Variants in SEMA3G observed in about 807,000 individuals in gnomAD.
SEMA3G encodes the protein semaphorin-3G.
A neutral mutation model predicts 86.2 loss-of-function variants in SEMA3G; 70 were observed. The ratio of observed to expected loss-of-function variants is 0.81; its 90% CI spans 0.67 to 0.99. SEMA3G has a LOEUF of 0.99. Among genes scored for constraint, SEMA3G ranks in the 50% least tolerant of loss-of-function variants. SEMA3G has a pLI of 0.00. For missense variants in SEMA3G, 1,002 were observed against 1,072.4 expected, an observed-to-expected ratio of 0.93 and a Z score of 0.92; for synonymous variants, 416 against 441.4, an observed-to-expected ratio of 0.94 and a Z score of 0.72.
intron 5 of SEMA3G, 44 bp from the exon 6 acceptor site, chr3:52,441,734 G>C (rs770770622): frequency 1.9e-6 from 3 of 1,592,906 alleles, no homozygotes; most frequent in Middle Eastern, 1.7e-4. Flanking sequence ...GGAGGCCCAG[G>C]CCCAGCAGCC....
chr3:52,436,236 C>T (rs1706048536), intron 15 of SEMA3G, among the ~76,000 whole-genome samples, 163 bp from the exon 16 acceptor site: 1 of 152,242 alleles, frequency 6.6e-6, no homozygotes, highest in Admixed American at 6.5e-5. Context: ...GTCTGGGCCT[C>T]CTCTAGACCA....
In SEMA3G at chr3:52,442,388, C is replaced by T. The variant is rs1303955305; in HGVS notation, c.340-84G>A. 8.6e-6 allele frequency: 12 copies of T among 1,387,568 alleles called. No individual in the cohort carries two copies. Among genetic ancestry groups the T allele is most frequent in the African/African-American group, 4.6e-5 (3 of 65,254 alleles). 86.0% of individuals were successfully genotyped at this position (1,387,568 alleles called of 1,614,324 possible). Reference sequence around the variant, plus strand: ...GGGCCCAAGGCTCAGCCCTGTCTGGCGGTCAGCTCTGGGGAGGGGGGTGGG... The same window carrying T: ...GGGCCCAAGGCTCAGCCCTGTCTGGTGGTCAGCTCTGGGGAGGGGGGTGGG... On this transcript the variant is annotated intron_variant, in intron 3 of 15. Coordinates refer to ENST00000231721, the MANE Select transcript of SEMA3G (RefSeq NM_020163.3). This position sits in a 1 kb window ranked among gnomAD's most constrained non-coding sequence, Gnocchi z 6.1.
Position 52,437,629 on chromosome 3 carries a change from G to T in SEMA3G, c.1776C>A (p.Tyr592Ter). 6.2e-7 allele frequency: 1 copy of T among 1,612,728 alleles called. No homozygotes were observed. The highest frequency in any genetic ancestry group is 8.5e-7 in the Non-Finnish European group (1 of 1,179,726). ...GGAAGGTGCTATTGTGCTCCGTGCC[G>T]TAGACCATGGTGGCTGCCACAAGTC... ...AVGLVAATMV[Y>*]GTEHNSTFLE... The change falls in exon 15 of 16, where the codon TAC (tyrosine) becomes TAA (stop). Residue 592 changes from tyrosine (Y) to a stop codon, truncating the protein, a stop_gained. Coordinates refer to ENST00000231721, the MANE Select transcript of SEMA3G (RefSeq NM_020163.3). LOFTEE classifies it high-confidence loss of function.
At chr3:52,443,340 C>G (rs1169604637) in intron 1 of SEMA3G, among the ~76,000 whole-genome samples, 1 of 152,202 alleles carries the variant, frequency 6.6e-6, no homozygotes, top group African/African-American at 2.4e-5. Flanking sequence ...CTGTTCCCAG[C>G]AGAGGGGACC....
Position 52,444,947 on chromosome 3 carries a change from G to T in SEMA3G, c.81C>A (p.Gly27=). Residue 27 remains glycine (G), a synonymous_variant, in exon 1 of 16, where the codon GGC becomes GGA. Transcript: ENST00000231721. ...LHGGSSGPSP[G]PSVPRLRLSY... ...AGAGCCGCAGGCGGGGCACACTGGGGCCGGGGCTGGGGCCAGAGCTACCCC... is the reference window on the plus strand; with the variant it reads ...AGAGCCGCAGGCGGGGCACACTGGGTCCGGGGCTGGGGCCAGAGCTACCCC... 1 of 1,302,664 alleles carries T rather than the reference G, an allele frequency of 7.7e-7. No homozygotes were observed. The allele number at this position is 1,302,664 out of a possible 1,614,324, so 80.7% of individuals were successfully genotyped here.
rs759310837 is a variant in SEMA3G at position 52,441,697 on chromosome 3, TG to T, written c.551-8del. On this transcript the variant is annotated splice_region_variant and splice_polypyrimidine_tract_variant and intron_variant, in intron 5 of 15. Transcript: ENST00000231721. Reference sequence around the variant, plus strand: ...CCCGTGTACAGCTCCCCGTCTGGGGTGGGGGTTGGGGAACAGAGTCAGGGGA... The same window carrying T: ...CCCGTGTACAGCTCCCCGTCTGGGGTGGGGTTGGGGAACAGAGTCAGGGGA... The T allele has an allele frequency of 2.3e-5, 37 of 1,610,296 alleles. No individual in the cohort carries two copies. The East Asian group carries it at 7.8e-4, about 34-fold the overall frequency.
rs934873488 is a variant in SEMA3G, at chr3:52,433,437, A to T, written c.*2166T>A. Reference sequence around the variant, plus strand: ...GACAATAAAAATAACAATAGTAATTACAAGAAATGTGCTCTGAGTACAGAG... The same window carrying T: ...GACAATAAAAATAACAATAGTAATTTCAAGAAATGTGCTCTGAGTACAGAG... On this transcript the variant is annotated 3_prime_UTR_variant, in exon 16 of 16. Coordinates refer to ENST00000231721, the MANE Select transcript of SEMA3G (RefSeq NM_020163.3). The T allele has an allele frequency of 2.0e-5, 3 of 152,684 alleles. No individual in the cohort carries two copies. The highest frequency in any genetic ancestry group is 2.9e-5 in the Non-Finnish European group (2 of 68,046). The allele number at this position is 152,684 out of a possible 1,614,324, so 9.5% of individuals were successfully genotyped here.
At position 52,433,549 on chromosome 3, in the gene SEMA3G, T is replaced by TG. The variant is rs1705991833; in HGVS notation, c.*2053dup. 6.6e-6 allele frequency: 1 copy of TG among 152,568 alleles called. No individual in the cohort carries two copies. The allele number at this position is 152,568 out of a possible 1,614,324, so 9.5% of individuals were successfully genotyped here. On this transcript the variant is annotated 3_prime_UTR_variant, in exon 16 of 16. Transcript: ENST00000231721. Reference sequence around the variant, plus strand: ...CAGGAGTTAATAGCATACAGTACCATGGGTAGGGTGTGGTTGGCAGAAGCT... The same window carrying TG: ...CAGGAGTTAATAGCATACAGTACCATGGGGTAGGGTGTGGTTGGCAGAAGCT...
In SEMA3G at chr3:52,437,606, A is replaced by G. The variant is rs1442391759; in HGVS notation, c.1799T>C (p.Phe600Ser). 2 of 1,613,150 alleles carry G rather than the reference A, an allele frequency of 1.2e-6. No homozygotes were observed. Among genetic ancestry groups the G allele is most frequent in the Admixed American group, 3.3e-5 (2 of 60,016 alleles). The change falls in exon 15 of 16, where the codon TTC (phenylalanine) becomes TCC (serine). Residue 600 changes from phenylalanine to serine, a missense_variant. Physicochemically the swap from Phe to Ser is radical, Grantham distance 155 (BLOSUM62 -2). Coordinates refer to ENST00000231721, the MANE Select transcript of SEMA3G (RefSeq NM_020163.3). The stretch of plus-strand genomic sequence containing the variant: ...GGGAGACTTGGGCAGGCACTCCAGG[A>G]AGGTGCTATTGTGCTCCGTGCCGTA... ...MVYGTEHNSTFLECLPKSPQA... is the reference protein window; with the variant it reads ...MVYGTEHNSTSLECLPKSPQA...
rs763104116 is a variant in SEMA3G, at chr3:52,441,673, C to A, written c.568G>T (p.Gly190Cys). 6.2e-7 allele frequency: 1 copy of A among 1,613,566 alleles called. No homozygotes were observed. Among genetic ancestry groups the A allele is most frequent in the Non-Finnish European group, 8.5e-7 (1 of 1,179,880 alleles). The change falls in exon 6 of 16, where the codon GGT becomes TGT. Residue 190 changes from glycine (G) to cysteine (C), a missense_variant. Transcript: ENST00000231721. ...STFIDGELYTGLTADFLGREA... is the reference protein window; with the variant it reads ...STFIDGELYTCLTADFLGREA... ...CGCCCCAGGAAGTCAGCAGTGAGAC[C>A]CGTGTACAGCTCCCCGTCTGGGGTG...
Position 52,440,276 on chromosome 3 carries a change from G to A in SEMA3G, c.1143+101C>T, listed in dbSNP as rs1161266504. On this transcript the variant is annotated intron_variant, in intron 10 of 15. Coordinates refer to ENST00000231721, the MANE Select transcript of SEMA3G (RefSeq NM_020163.3). Reference sequence around the variant, plus strand: ...TGGAGCCCAGGCTTGGCCAACGTCCGCTGCCGTGGGGGTGCATGGGGACAT... The same window carrying A: ...TGGAGCCCAGGCTTGGCCAACGTCCACTGCCGTGGGGGTGCATGGGGACAT... 5.2e-5 allele frequency: 45 copies of A among 866,712 alleles called. 1 individual carries two copies. The highest frequency in any genetic ancestry group is 6.3e-5 in the Non-Finnish European group (40 of 635,426). 53.7% of individuals were successfully genotyped at this position (866,712 alleles called of 1,614,324 possible). A position where few individuals can be genotyped will look rare whatever the true frequency, so the allele number is the denominator to read the frequency against.
At position 52,445,082 on chromosome 3, in the gene SEMA3G, C is replaced by T. The variant is rs1483806401; in HGVS notation, c.-55G>A. 7.2e-6 allele frequency: 9 copies of T among 1,251,264 alleles called. No individual in the cohort carries two copies. The South Asian group carries it at 1.5e-4, about 20-fold the overall frequency. The allele number at this position is 1,251,264 out of a possible 1,614,324, so 77.5% of individuals were successfully genotyped here. A position where few individuals can be genotyped will look rare whatever the true frequency, so the allele number is the denominator to read the frequency against. On this transcript the variant is annotated 5_prime_UTR_variant, in exon 1 of 16. Coordinates refer to ENST00000231721, the MANE Select transcript of SEMA3G (RefSeq NM_020163.3). ...TGCCTGCAGAGCCGCCCTCTGGTCC[C>T]GCTGGCCGCCGGTTGTAGTTTGCTC...
Position 52,442,007 on chromosome 3 carries a change from G to A in SEMA3G, c.460-98C>T, listed in dbSNP as rs575436777. The A allele has an allele frequency of 8.3e-6, 11 of 1,318,060 alleles. No homozygotes were observed. Among genetic ancestry groups the A allele is most frequent in the African/African-American group, 5.8e-5 (4 of 68,752 alleles). 81.6% of individuals were successfully genotyped at this position (1,318,060 alleles called of 1,614,324 possible). A position where few individuals can be genotyped will look rare whatever the true frequency, so the allele number is the denominator to read the frequency against. On this transcript the variant is annotated intron_variant, in intron 4 of 15. Transcript: ENST00000231721. The surrounding 1 kb of genome is among the most constrained non-coding windows in gnomAD (Gnocchi z 6.1). ...AGCCCTCGCGTGCGGCCAGAGAGCG[G>A]GGGTGGGCGGAAGGCGTCCTCATCC... is the stretch of plus-strand genomic sequence containing the variant.
At chr3:52,443,868 G>C (rs1015013408) in intron 1 of SEMA3G, among the ~76,000 whole-genome samples, 1 of 152,206 alleles carries the variant, frequency 6.6e-6, no homozygotes, top group African/African-American at 2.4e-5. Flanking sequence ...CCAGGGGAAG[G>C]TGGTCACCCC....
chr3:52,444,483 GGGCACACGCACACAAACAT>G (rs1706221665), intron 1 of SEMA3G, among the ~76,000 whole-genome samples: 7 of 144,464 alleles, frequency 4.8e-5, no homozygotes, highest in Admixed American at 2.1e-4. Context: ...CACCCAAACA[GGGCACACGCACACAAACAT>G]GGCACACGCA....
Position 52,438,005 on chromosome 3 carries a change from G to A in SEMA3G, c.1704C>T (p.Asn568=), listed in dbSNP as rs1028201411. The A allele has an allele frequency of 1.9e-6, 3 of 1,612,856 alleles. No individual in the cohort carries two copies. The highest frequency in any genetic ancestry group is 1.7e-6 in the Non-Finnish European group (2 of 1,179,912). The change falls in exon 14 of 16, where the codon AAC becomes AAT. Residue 568 remains asparagine, a synonymous_variant. Coordinates refer to ENST00000231721, the MANE Select transcript of SEMA3G (RefSeq NM_020163.3). ...TCTGGCCCAGGCACTGCAGGGCAGG[G>A]TTGCCGTGCCGGATGTCCTGCCGGC... ...RFRRQDIRHG[N]PALQCLGQSQ...
In SEMA3G at chr3:52,435,718, C is replaced by T. The variant is rs770185837; in HGVS notation, c.2234G>A (p.Ser745Asn). The T allele has an allele frequency of 3.2e-5, 51 of 1,613,988 alleles. No individual in the cohort carries two copies. The highest frequency in any genetic ancestry group is 4.2e-5 in the Non-Finnish European group (49 of 1,180,022). Residue 745 changes from serine (S) to asparagine (N), a missense_variant, in exon 16 of 16, where the codon AGC (serine) becomes AAC (asparagine). Physicochemically the swap from Ser to Asn is conservative, Grantham distance 46. Transcript: ENST00000231721. ...CTTGCCCCTGGCCTGCTTGCCCCGG[C>T]TCCGGCTCCGGAAGCAGCCTGAGCA... ...TECSGCFRSR[S>N]RGKQARGKSW...
At chr3:52,437,463 G>A (rs1706066246) in intron 15 of SEMA3G, 64 bp downstream of exon 15, 2 of 1,504,616 alleles carry the variant, frequency 1.3e-6, no homozygotes, top group East Asian at 2.3e-5. Flanking sequence ...TCAGGTCTTG[G>A]GGTTCAGGAT....
chr3:52,441,838 G>A lies in SEMA3G; in HGVS notation c.531C>T (p.Pro177=), dbSNP rs200420730. 5.5e-5 allele frequency: 89 copies of A among 1,604,420 alleles called. No homozygotes were observed. The highest frequency in any genetic ancestry group is 7.6e-5 in the Non-Finnish European group (89 of 1,175,770). ...ACCCACCTATGAAGGTGCTGGCAAA[G>A]GGACGGCTGGGCTCGTGAGGGCACC... ...RGRCPHEPSR[P]FASTFIDGEL... is the part of the protein sequence containing the mutation. Residue 177 remains proline (P), a synonymous_variant, in exon 5 of 16, where the codon CCC becomes CCT. Coordinates refer to ENST00000231721, the MANE Select transcript of SEMA3G (RefSeq NM_020163.3).
Sources: allele counts gnomAD v4.1 joint callset (sites outside exome capture counted in the v4.1 genomes callset), GRCh38; gene constraint gnomAD v4.1.1; non-coding constraint Gnocchi (gnomAD v3.1); transcripts MANE v1.5; gene names NCBI Gene and HGNC (gene_info 2026-07-23, HGNC 2026-07-21).